Variants in GPC1 observed in about 807,000 individuals in gnomAD.
GPC1 encodes the protein glypican 1.
A neutral mutation model predicts 51.5 loss-of-function variants in GPC1; 26 were observed. The observed-to-expected ratio is 0.50, with a 90% CI of 0.37 to 0.70. The LOEUF (loss-of-function observed/expected upper bound fraction) is 0.70. GPC1 is among the 30% of genes least tolerant of loss of function. GPC1 has a pLI of 0.00. For missense variants in GPC1, 775 were observed against 800.5 expected (o/e 0.97, Z 0.38); for synonymous variants, 380 against 348.3 (o/e 1.09, Z -1.01).
chr2:240,459,693 A>G (rs559223107), intron 2 of GPC1, among the ~76,000 whole-genome samples: 103 of 152,234 alleles, frequency 6.8e-4, no homozygotes, highest in African/African-American at 2.4e-3. Context: ...ATATCGGGGC[A>G]GGAGTCTGGG....
At chr2:240,462,053 G>C in intron 2 of GPC1, 138 bp from the exon 3 acceptor site, 1 of 837,250 alleles carries the variant, frequency 1.2e-6, no homozygotes, top group Non-Finnish European at 1.8e-6. Flanking sequence ...GCCCACAGCC[G>C]CTGCAGTGTG....
At chr2:240,452,870 C>T (rs930045207) in intron 1 of GPC1, 203 of 220,508 alleles carry the variant, frequency 9.2e-4, no homozygotes, top group African/African-American at 4.5e-3. Context: ...CCCGCGCGCC[C>T]GGCGGACCGC....
rs766775254 is a variant in GPC1 at position 240,459,176 on chromosome 2, C to T, written c.313C>T (p.Arg105Cys). The change falls in exon 2 of 9, where the codon CGC becomes TGC. Residue 105 changes from arginine (R) to cysteine (C), a missense_variant. Physicochemically the swap from Arg to Cys is radical, Grantham distance 180. Transcript: ENST00000264039. Reference sequence around the variant, plus strand: ...GCAGGCCATGCTTGCCACCCAGCTGCGCAGCTTCGATGGTGAGTGCCTCCC... The same window carrying T: ...GCAGGCCATGCTTGCCACCCAGCTGTGCAGCTTCGATGGTGAGTGCCTCCC... The part of the protein sequence containing the change: ...VLQAMLATQL[R>C]SFDDHFQHLL... The T allele has an allele frequency of 8.1e-6, 13 of 1,611,826 alleles. No individual in the cohort carries two copies. The highest frequency in any genetic ancestry group is 1.1e-5 in the Non-Finnish European group (13 of 1,179,562).
rs1315058052 is a variant in GPC1 at position 240,448,507 on chromosome 2, C to G, written c.167-10523C>G. 6.6e-6 allele frequency among the ~76,000 whole-genome samples: 1 copy of G among 151,600 alleles called. No individual in the cohort carries two copies. The highest frequency in any genetic ancestry group is 1.5e-5 in the Non-Finnish European group (1 of 67,750). On this transcript the variant is annotated intron_variant, in intron 1 of 8. Coordinates refer to ENST00000264039, the MANE Select transcript of GPC1 (RefSeq NM_002081.3). This position sits in a 1 kb window ranked among gnomAD's most constrained non-coding sequence, Gnocchi z 4.5. ...ACTCCAGGTGCCTGGGGGTGGAACT[C>G]TGAGCCTCCGGCTCTCCTCCGGCAG...
rs2151783680 is a variant in GPC1 at position 240,436,026 on chromosome 2, C to T, written c.108C>T (p.Arg36=). The part of the protein sequence containing the change: ...ASKSRSCGEV[R]QIYGAKGFSL... ...AGAGCCGGAGCTGCGGCGAGGTCCG[C>T]CAGATCTACGGAGCCAAGGGCTTCA... Residue 36 remains arginine, a synonymous_variant, in exon 1 of 9, where the codon CGC becomes CGT. Transcript: ENST00000264039. 7.2e-7 allele frequency: 1 copy of T among 1,387,562 alleles called. No homozygotes were observed. 86.0% of individuals were successfully genotyped at this position (1,387,562 alleles called of 1,614,324 possible).
At chr2:240,450,794 G>C in intron 1 of GPC1, 1 of 470,148 alleles carries the variant, frequency 2.1e-6, no homozygotes, top group South Asian at 1.6e-5. Flanking sequence ...TTCAGTACCA[G>C]GGTACCAGGG....
chr2:240,457,422 G>C (rs2074176612), intron 1 of GPC1: 1 of 470,584 alleles, frequency 2.1e-6, no homozygotes, highest in Admixed American at 2.3e-5. Flanking sequence ...TACTTAGAGG[G>C]TGCGGAAGAT....
chr2:240,460,108 C>G (rs921713055), intron 2 of GPC1, among the ~76,000 whole-genome samples: 2 of 152,056 alleles, frequency 1.3e-5, no homozygotes, highest in African/African-American at 4.8e-5. Flanking sequence ...TCCCAGGCTC[C>G]CGGGAGAGTC....
intron 1 of GPC1, among the ~76,000 whole-genome samples, chr2:240,447,824 TGAGGGCAC>T (rs2074062098): frequency 6.6e-6 from 1 of 152,048 alleles, no homozygotes; most frequent in African/African-American, 2.4e-5. Flanking sequence ...GGGCTGTGGA[TGAGGGCAC>T]TCCATGGGGA....
intron 1 of GPC1, chr2:240,449,848 A>G (rs2074081403): frequency 2.1e-6 from 1 of 470,410 alleles, no homozygotes; most frequent in Non-Finnish European, 4.4e-6. Context: ...CGTCGTCCTC[A>G]AGGTTCCTCC....
chr2:240,464,474 A>G, intron 4 of GPC1, 142 bp from the exon 5 acceptor site: 3 of 1,114,280 alleles, frequency 2.7e-6, no homozygotes, highest in Non-Finnish European at 4.0e-6. Flanking sequence ...GGCCAACCTG[A>G]GTGCACACGT....
At chr2:240,460,007 T>C (rs1438160135) in intron 2 of GPC1, among the ~76,000 whole-genome samples, 1 of 152,036 alleles carries the variant, frequency 6.6e-6, no homozygotes, top group Non-Finnish European at 1.5e-5. Context: ...CAGGGCTCCA[T>C]TGTGGCTGTG....
At chr2:240,463,200 A>T in intron 3 of GPC1, 147 bp from the exon 4 acceptor site, 1 of 639,052 alleles carries the variant, frequency 1.6e-6, no homozygotes, top group Non-Finnish European at 2.7e-6. Flanking sequence ...CCTGCGAGTC[A>T]GGCAGCGACC....
At position 240,466,066 on chromosome 2, in the gene GPC1, G is replaced by A. The variant is rs61737165; in HGVS notation, c.1453G>A (p.Gly485Ser). The A allele has an allele frequency of 0.011, 17,773 of 1,609,118 alleles. 132 individuals carry two copies. Among genetic ancestry groups the A allele is most frequent in the African/African-American group, 0.023 (1,754 of 74,954 alleles). The change falls in exon 9 of 9, where the codon GGC (glycine) becomes AGC (serine). Residue 485 changes from glycine to serine, a missense_variant. Gly to Ser is a moderately conservative substitution (Grantham distance 56). Coordinates refer to ENST00000264039, the MANE Select transcript of GPC1 (RefSeq NM_002081.3). ...CCTCCTCTCCTTCCCAGGTGACGACGGCAGCGGCTCGGGCAGCGGTGATGG... is the reference window on the plus strand; with the variant it reads ...CCTCCTCTCCTTCCCAGGTGACGACAGCAGCGGCTCGGGCAGCGGTGATGG... ...DVDFQDASDDGSGSGSGDGCL... is the reference protein window; with the variant it reads ...DVDFQDASDDSSGSGSGDGCL...
intron 1 of GPC1, chr2:240,451,591 C>T (rs2074100134): frequency 3.9e-6 from 1 of 257,658 alleles, no homozygotes; most frequent in Non-Finnish European, 7.6e-6. Context: ...CTCTGGGGAG[C>T]ACCTCATCCT....
At chr2:240,438,157 G>A (rs780082355) in intron 1 of GPC1, among the ~76,000 whole-genome samples, 29 of 152,168 alleles carry the variant, frequency 1.9e-4, no homozygotes, top group African/African-American at 3.6e-4. Flanking sequence ...GCCAGGGCTC[G>A]GGGTGCCACC....
intron 8 of GPC1, 123 bp downstream of exon 8, chr2:240,465,771 T>C (rs1268335581): frequency 1.2e-6 from 1 of 812,978 alleles, no homozygotes; most frequent in African/African-American, 1.7e-5. Context: ...CCACAGTGAG[T>C]CTGAGGACGC....
intron 1 of GPC1, among the ~76,000 whole-genome samples, chr2:240,440,184 C>T (rs2074009034): frequency 6.6e-6 from 1 of 152,246 alleles, no homozygotes; most frequent in South Asian, 2.1e-4. Context: ...GGCCCACACA[C>T]ACCCCTCTCA....
chr2:240,458,714 A>C, intron 1 of GPC1: 1 of 321,780 alleles, frequency 3.1e-6, no homozygotes, highest in South Asian at 7.5e-5. Context: ...GCACACAGGA[A>C]CCTGAGGCCA....
Sources: gnomAD v4.1 joint callset for allele counts (sites outside exome capture counted in the v4.1 genomes callset) on GRCh38, gnomAD v4.1.1 for gene constraint, Gnocchi (gnomAD v3.1) non-coding constraint, MANE v1.5 for transcripts, NCBI Gene and HGNC (gene_info 2026-07-23, HGNC 2026-07-21) for gene names.